Variants in SOX5 observed in about 807,000 individuals in gnomAD.
SOX5 encodes the protein transcription factor SOX-5.
In SOX5, 9 loss-of-function variants were observed where a neutral mutation model predicts 92.0. That is an observed-to-expected ratio of 0.10 (90% CI 0.06 to 0.17). The LOEUF is 0.17. Among genes scored for constraint, SOX5 ranks in the 10% least tolerant of loss-of-function variants. The pLI, the probability that SOX5 is intolerant of heterozygous loss-of-function variation, is 1.00. For missense variants in SOX5, 642 were observed against 944.5 expected (o/e 0.68, Z 4.20); for synonymous variants, 344 against 336.3 (o/e 1.02, Z -0.25).
intron 4 of SOX5, among the ~76,000 whole-genome samples, chr12:24,121,367 C>G (rs1948595438): frequency 1.3e-5 from 2 of 152,068 alleles, no homozygotes; most frequent in Non-Finnish European, 2.9e-5. Context: ...TGAACAGAAT[C>G]TAGTTCAAGC....
chr12:24,118,552 G>T (rs989779770), intron 4 of SOX5, among the ~76,000 whole-genome samples: 1 of 151,772 alleles, frequency 6.6e-6, no homozygotes, highest in Non-Finnish European at 1.5e-5. Flanking sequence ...CAATAGATGA[G>T]ATTACTTGAC....
chr12:23,867,208 G>A (rs1422993190), intron 2 of SOX5, among the ~76,000 whole-genome samples: 1 of 152,050 alleles, frequency 6.6e-6, no homozygotes, highest in Non-Finnish European at 1.5e-5. Flanking sequence ...ATGGAAGAAA[G>A]GTTTTAATCA....
intron 2 of SOX5, among the ~76,000 whole-genome samples, chr12:24,307,097 G>C (rs1948652833): frequency 1.3e-5 from 2 of 152,016 alleles, no homozygotes; most frequent in South Asian, 4.1e-4. Flanking sequence ...AATTAGCTAG[G>C]CATGGTGGCA....
chr12:24,345,704 CCTAAAATACT>C (rs137994721), intron 2 of SOX5, among the ~76,000 whole-genome samples: 2,778 of 152,190 alleles, frequency 0.018, 72 homozygotes, highest in African/African-American at 0.057. Flanking sequence ...CATCCTTAAA[CCTAAAATACT>C]CTAAAATACT....
chr12:24,169,941 T>G (rs1031841582), intron 4 of SOX5, among the ~76,000 whole-genome samples: 13 of 152,150 alleles, frequency 8.5e-5, no homozygotes, highest in Non-Finnish European at 1.6e-4. Flanking sequence ...ATGAATTCGT[T>G]AGGTGTATTG....
chr12:24,333,555 T>A (rs1308059729), intron 2 of SOX5, among the ~76,000 whole-genome samples: 2 of 151,982 alleles, frequency 1.3e-5, no homozygotes, highest in African/African-American at 4.8e-5. Context: ...GATGATAAAA[T>A]GACATTTTAA....
chr12:24,553,613 T>C (rs1285541646), intron 1 of SOX5, among the ~76,000 whole-genome samples: 1 of 152,240 alleles, frequency 6.6e-6, no homozygotes, highest in Non-Finnish European at 1.5e-5. Flanking sequence ...TGTCACCCTA[T>C]GGTTACCCAT....
intron 4 of SOX5, among the ~76,000 whole-genome samples, chr12:24,173,853 C>A (rs1954481964): frequency 6.6e-6 from 1 of 152,102 alleles, no homozygotes; most frequent in Non-Finnish European, 1.5e-5. Context: ...CCAGTTACTA[C>A]CAGCCGTGGA....
At chr12:24,299,658 A>G in intron 2 of SOX5, among the ~76,000 whole-genome samples, 1 of 152,214 alleles carries the variant, frequency 6.6e-6, no homozygotes, top group East Asian at 1.9e-4. Context: ...TGATTTCCTG[A>G]TATGCCTTCC....
intron 4 of SOX5, among the ~76,000 whole-genome samples, chr12:24,169,826 A>G (rs1953866831): frequency 6.6e-6 from 1 of 152,210 alleles, no homozygotes; most frequent in Admixed American, 6.5e-5. Context: ...GATACATAGT[A>G]AATGATGGAT....
chr12:24,293,239 C>T (rs147036964), intron 2 of SOX5, among the ~76,000 whole-genome samples: 145 of 152,288 alleles, frequency 9.5e-4, no homozygotes, highest in African/African-American at 3.4e-3. Flanking sequence ...GTGATAATAA[C>T]CAATTTGCAA....
intron 4 of SOX5, among the ~76,000 whole-genome samples, chr12:24,095,152 G>C (rs1234973926): frequency 2.5e-4 from 35 of 137,562 alleles, no homozygotes; most frequent in Admixed American, 3.7e-4. Context: ...GAGAGAGAGA[G>C]AGAGACAGAG....
chr12:23,702,403 G>A (rs903109861), intron 6 of SOX5, among the ~76,000 whole-genome samples: 1 of 151,970 alleles, frequency 6.6e-6, no homozygotes, highest in Non-Finnish European at 1.5e-5. Context: ...CATCAAAGTT[G>A]GGTATTTAAC....
intron 8 of SOX5, among the ~76,000 whole-genome samples, chr12:23,629,893 G>C (rs964384591): frequency 4.6e-5 from 7 of 151,918 alleles, no homozygotes; most frequent in African/African-American, 1.7e-4. Context: ...AGGATACTAT[G>C]GGTCTATAAA....
rs1210851381 is a variant in SOX5 at position 23,762,443 on chromosome 12, A to C, written c.482-6719T>G. ...TCGTAATATAACACATACCACAACA[A>C]ACAATAGAAACACACAAGAAACTCC... On this transcript the variant is annotated intron_variant, in intron 3 of 14. Coordinates refer to ENST00000451604, the MANE Select transcript of SOX5 (RefSeq NM_006940.6). The C allele has an allele frequency of 1.2e-5, 5 of 401,516 alleles. No homozygotes were observed. In the East Asian group the frequency reaches 1.4e-4, roughly 11 times the overall value. 24.9% of individuals were successfully genotyped at this position (401,516 alleles called of 1,614,324 possible). A position where few individuals can be genotyped will look rare whatever the true frequency, so the allele number is the denominator to read the frequency against.
At chr12:24,457,158 C>T (rs976341916) in intron 1 of SOX5, among the ~76,000 whole-genome samples, 3 of 152,194 alleles carry the variant, frequency 2.0e-5, no homozygotes, top group South Asian at 2.1e-4. Flanking sequence ...CATTTTAAAG[C>T]GCAAATCGCT....
intron 4 of SOX5, among the ~76,000 whole-genome samples, chr12:24,192,022 A>C (rs570532996): frequency 6.6e-6 from 1 of 152,354 alleles, no homozygotes. Flanking sequence ...TAGTGATAAA[A>C]GTACTATATT....
At chr12:24,071,728 G>A (rs979170697) in intron 4 of SOX5, among the ~76,000 whole-genome samples, 11 of 152,218 alleles carry the variant, frequency 7.2e-5, no homozygotes, top group East Asian at 3.9e-4. Context: ...GCCACTGCCC[G>A]GCTCAAGCCT....
chr12:23,895,847 C>T lies in SOX5; in HGVS notation c.216G>A (p.Leu72=). The part of the protein sequence containing the change: ...PHSEEFQPVS[L]LTQETCGHRT... The stretch of plus-strand genomic sequence containing the variant: ...TATGGCCACAAGTCTCTTGCGTCAG[C>T]AGAGAAACTGGCTGAAATTCCTCAG... Residue 72 remains leucine (L), a synonymous_variant, in exon 2 of 15, where the codon CTG becomes CTA. Transcript: ENST00000451604. 1.9e-6 allele frequency: 3 copies of T among 1,614,104 alleles called. No individual in the cohort carries two copies. The highest frequency in any genetic ancestry group is 2.5e-6 in the Non-Finnish European group (3 of 1,179,982).
Sources: allele counts gnomAD v4.1 joint callset (sites outside exome capture counted in the v4.1 genomes callset), GRCh38; gene constraint gnomAD v4.1.1; transcripts MANE v1.5; gene names NCBI Gene and HGNC (gene_info 2026-07-23, HGNC 2026-07-21).